OTUD7A: variants seen among roughly 807,000 people sequenced by gnomAD.
OTUD7A encodes OTU deubiquitinase 7A.
A neutral mutation model predicts 65.7 loss-of-function variants in OTUD7A; 12 were observed. The observed-to-expected ratio is 0.18, with a 90% CI of 0.12 to 0.30. The LOEUF is 0.30. Among genes scored for constraint, OTUD7A ranks in the 10% least tolerant of loss-of-function variants. OTUD7A has a pLI of 1.00. For synonymous variants in OTUD7A, 641 were observed against 586.3 expected (o/e 1.09, Z -1.35); for missense variants, 1,148 against 1,304.8 (o/e 0.88, Z 1.85).
rs1893891092 is a variant in OTUD7A, at chr15:31,726,449, A to T, written c.-99-69372T>A. 2.0e-5 allele frequency among the ~76,000 whole-genome samples: 3 copies of T among 152,168 alleles called. 1 individual carries two copies. The highest frequency in any genetic ancestry group is 7.2e-5 in the African/African-American group (3 of 41,432). On this transcript the variant is annotated intron_variant, in intron 1 of 12. Transcript: ENST00000307050. The stretch of plus-strand genomic sequence containing the variant: ...TCATAATTAAAAAAAAATCCCTTGA[A>T]CAGTGTAGCTAAGAAGAAAGGAAGG...
At chr15:31,579,751 A>G (rs1889315798) in intron 3 of OTUD7A, among the ~76,000 whole-genome samples, 1 of 152,206 alleles carries the variant, frequency 6.6e-6, no homozygotes, top group South Asian at 2.1e-4. Context: ...CACATACAAT[A>G]GCTCCCCTAA....
chr15:31,820,935 C>T (rs975684822), intron 1 of OTUD7A, among the ~76,000 whole-genome samples: 1 of 151,894 alleles, frequency 6.6e-6, no homozygotes, highest in South Asian at 2.1e-4. Flanking sequence ...AACCCTGCAC[C>T]CACCAGCCGT....
At chr15:31,563,447 C>T (rs1595613821) in intron 4 of OTUD7A, among the ~76,000 whole-genome samples, 1 of 152,364 alleles carries the variant, frequency 6.6e-6, no homozygotes, top group East Asian at 1.9e-4. Context: ...CCTCAGTGTC[C>T]TGTCCTCACA....
intron 8 of OTUD7A, among the ~76,000 whole-genome samples, chr15:31,525,021 G>A (rs1268386236): frequency 1.3e-5 from 2 of 152,178 alleles, no homozygotes; most frequent in Non-Finnish European, 2.9e-5. Flanking sequence ...GTATGTGATG[G>A]TCACCTGTGA....
intron 1 of OTUD7A, among the ~76,000 whole-genome samples, chr15:31,663,803 A>G (rs1429395828): frequency 6.6e-6 from 1 of 152,102 alleles, no homozygotes; most frequent in African/African-American, 2.4e-5. Flanking sequence ...CCCTATTTGC[A>G]GTCTTTTATC....
chr15:31,660,432 G>A (rs929983090), intron 1 of OTUD7A, among the ~76,000 whole-genome samples: 1 of 152,246 alleles, frequency 6.6e-6, no homozygotes, highest in Non-Finnish European at 1.5e-5. Context: ...TCACGGTTTA[G>A]ATGAAAATTA....
At chr15:31,731,289 A>AT (rs1894035618) in intron 1 of OTUD7A, among the ~76,000 whole-genome samples, 2 of 152,218 alleles carry the variant, frequency 1.3e-5, no homozygotes, top group Non-Finnish European at 2.9e-5. Flanking sequence ...CAGCAGATTT[A>AT]TTCATAATTG....
intron 1 of OTUD7A, among the ~76,000 whole-genome samples, chr15:31,662,594 T>C (rs1256913880): frequency 6.6e-6 from 1 of 152,238 alleles, no homozygotes; most frequent in African/African-American, 2.4e-5. Flanking sequence ...GTTCCGGATC[T>C]AGAATTCAAC....
At chr15:31,606,882 A>G (rs1204749243) in intron 3 of OTUD7A, among the ~76,000 whole-genome samples, 1 of 152,240 alleles carries the variant, frequency 6.6e-6, no homozygotes, top group Non-Finnish European at 1.5e-5. Flanking sequence ...ATTTTCATAC[A>G]CAAAACTACT....
Position 31,484,812 on chromosome 15 carries a change from G to A in OTUD7A, c.1372-88C>T. ...GGAAGACACACCTTGCCCCTGTGTT[G>A]CCGAGGCTAGGGCCCTGGACCTTCA... On this transcript the variant is annotated intron_variant, in intron 12 of 12. Transcript: ENST00000307050. This position sits in a 1 kb window ranked among gnomAD's most constrained non-coding sequence, Gnocchi z 4.5. The A allele has an allele frequency of 6.7e-7, 1 of 1,503,602 alleles. No homozygotes were observed. The highest frequency in any genetic ancestry group is 8.9e-7 in the Non-Finnish European group (1 of 1,129,236). 93.1% of individuals were successfully genotyped at this position (1,503,602 alleles called of 1,614,324 possible).
intron 3 of OTUD7A, among the ~76,000 whole-genome samples, chr15:31,618,426 C>T (rs1286009043): frequency 2.0e-5 from 3 of 152,210 alleles, no homozygotes; most frequent in Admixed American, 6.5e-5. Context: ...TTCTCCACAT[C>T]CTCTCCAGCA....
rs1258341051 is a variant in OTUD7A, at chr15:31,477,884, T to C, written c.*5410A>G. 1 of 43,580 alleles carries C rather than the reference T, an allele frequency of 2.3e-5. No individual in the cohort carries two copies. Among genetic ancestry groups the C allele is most frequent in the African/African-American group, 9.2e-5 (1 of 10,862 alleles). 2.7% of individuals were successfully genotyped at this position (43,580 alleles called of 1,614,324 possible). A position where few individuals can be genotyped will look rare whatever the true frequency, so the allele number is the denominator to read the frequency against. On this transcript the variant is annotated 3_prime_UTR_variant, in exon 13 of 13. Transcript: ENST00000307050. Reference sequence around the variant, plus strand: ...TGCACAAGAAGAAGATGCAGAGAGGTGGGTAGGGAGGGAGGGTGGGGTGTG... The same window carrying C: ...TGCACAAGAAGAAGATGCAGAGAGGCGGGTAGGGAGGGAGGGTGGGGTGTG...
chr15:31,691,390 C>T (rs1202996054), intron 1 of OTUD7A, among the ~76,000 whole-genome samples: 1 of 152,094 alleles, frequency 6.6e-6, no homozygotes, highest in African/African-American at 2.4e-5. Context: ...GAAACAGACA[C>T]ATCAACCAAT....
At chr15:31,668,278 C>A (rs1892374384) in intron 1 of OTUD7A, among the ~76,000 whole-genome samples, 1 of 152,168 alleles carries the variant, frequency 6.6e-6, no homozygotes, top group Non-Finnish European at 1.5e-5. Flanking sequence ...CTCAGGAACA[C>A]TGATTATTCT....
intron 1 of OTUD7A, among the ~76,000 whole-genome samples, chr15:31,747,091 T>C (rs797018526): frequency 1.4e-4 from 21 of 152,356 alleles, no homozygotes; most frequent in African/African-American, 5.0e-4. Flanking sequence ...ATGGCAATTC[T>C]GATACCACTT....
chr15:31,838,818 T>G (rs17604644), intron 1 of OTUD7A, among the ~76,000 whole-genome samples: 47,155 of 151,896 alleles, frequency 0.31, 8,143 homozygotes, highest in South Asian at 0.56. Flanking sequence ...CTACTAGTCC[T>G]AACTCATTTT....
intron 3 of OTUD7A, among the ~76,000 whole-genome samples, chr15:31,630,763 T>G (rs367952850): frequency 2.5e-4 from 30 of 122,002 alleles, no homozygotes; most frequent in Non-Finnish European, 4.4e-4. Flanking sequence ...TTATGAATCT[T>G]GGTGCTCCTG....
rs551317579 is a variant in OTUD7A, at chr15:31,748,223, G to T, written c.-99-91146C>A. ...AATTGCACTATAGTTATGAAAGAGA[G>T]TGTCCTTTTTATAAAAGAAAATATG... is the stretch of plus-strand genomic sequence containing the variant. On this transcript the variant is annotated intron_variant, in intron 1 of 12. Coordinates refer to ENST00000307050, the MANE Select transcript of OTUD7A (RefSeq NM_001382637.1). Among the ~76,000 whole-genome samples the T allele has an allele frequency of 3.2e-4, 49 of 152,042 alleles. No homozygotes were observed. The South Asian group carries it at 8.5e-3, about 27-fold the overall frequency.
intron 1 of OTUD7A, among the ~76,000 whole-genome samples, chr15:31,686,948 T>C (rs1194179184): frequency 2.0e-5 from 3 of 152,214 alleles, no homozygotes; most frequent in Non-Finnish European, 4.4e-5. Flanking sequence ...AACAGCAATG[T>C]TTTTGAAGAC....
Sources: allele counts gnomAD v4.1 joint callset (sites outside exome capture counted in the v4.1 genomes callset), GRCh38; gene constraint gnomAD v4.1.1; non-coding constraint Gnocchi (gnomAD v3.1); transcripts MANE v1.5; gene names NCBI Gene and HGNC (gene_info 2026-07-23, HGNC 2026-07-21).